The following PIBF1 variants were observed in gnomAD, a reference collection of about 807,000 sequenced individuals.
PIBF1 encodes the protein progesterone-induced-blocking factor 1.
Under a neutral mutation model 112.5 loss-of-function variants are expected in PIBF1, and 90 were observed. The ratio of observed to expected loss-of-function variants is 0.80; its 90% confidence interval spans 0.67 to 0.95. PIBF1 has a LOEUF of 0.95. Ranked by LOEUF, PIBF1 falls within the 40% of genes least tolerant of loss-of-function variation. PIBF1 has a pLI of 0.00. For missense variants in PIBF1, 915 were observed against 852.3 expected (o/e 1.07, Z -0.92); for synonymous variants, 301 against 288.6 (o/e 1.04, Z -0.44).
intron 9 of PIBF1, among the ~76,000 whole-genome samples, chr13:72,852,454 CA>C (rs2038208861): frequency 6.6e-6 from 1 of 152,190 alleles, no homozygotes; most frequent in African/African-American, 2.4e-5. Flanking sequence ...ACCCCTTGCT[CA>C]CACACCCCTT....
At chr13:72,799,715 A>G (rs1566284620) in intron 5 of PIBF1, among the ~76,000 whole-genome samples, 2 of 152,144 alleles carry the variant, frequency 1.3e-5, no homozygotes, top group African/African-American at 4.8e-5. Flanking sequence ...TACAGGGGTT[A>G]TTGGGGAAGA....
At position 72,833,743 on chromosome 13, in the gene PIBF1, G is replaced by A. The variant is rs138137278; in HGVS notation, c.1098-1500G>A. 2.4e-3 allele frequency among the ~76,000 whole-genome samples: 364 copies of A among 152,296 alleles called. 1 individual carries two copies. The highest frequency in any genetic ancestry group is 8.2e-3 in the African/African-American group (340 of 41,572). On this transcript the variant is annotated intron_variant, in intron 8 of 17. Coordinates refer to ENST00000326291, the MANE Select transcript of PIBF1 (RefSeq NM_006346.4). ...CACGGGGGTCAGGGACCCACTTGAG[G>A]AGGCAGTCTGACCCTTAGCAGAGTT...
chr13:72,990,840 T>TC (rs1258051284), intron 16 of PIBF1, among the ~76,000 whole-genome samples: 1 of 152,196 alleles, frequency 6.6e-6, no homozygotes, highest in African/African-American at 2.4e-5. Flanking sequence ...AGAGCGAGAC[T>TC]CCATCTCAAA....
intron 5 of PIBF1, among the ~76,000 whole-genome samples, chr13:72,817,524 C>T (rs1450319826): frequency 6.6e-6 from 1 of 152,132 alleles, no homozygotes; most frequent in East Asian, 1.9e-4. Context: ...TGCAAACCTT[C>T]TATATAATAG....
At chr13:72,861,057 T>C (rs2038674195) in intron 10 of PIBF1, among the ~76,000 whole-genome samples, 1 of 152,184 alleles carries the variant, frequency 6.6e-6, no homozygotes, top group Non-Finnish European at 1.5e-5. Context: ...GAATACTATA[T>C]TGGGATCTAA....
intron 5 of PIBF1, among the ~76,000 whole-genome samples, chr13:72,820,587 A>G (rs927127260): frequency 2.6e-5 from 4 of 152,188 alleles, no homozygotes; most frequent in Non-Finnish European, 5.9e-5. Flanking sequence ...GGGGACTAAA[A>G]TAATCAAAGT....
chr13:72,903,562 T>C (rs2040580606), intron 11 of PIBF1, among the ~76,000 whole-genome samples: 1 of 152,212 alleles, frequency 6.6e-6, no homozygotes, highest in African/African-American at 2.4e-5. Flanking sequence ...ACTTGAAATA[T>C]GGCTACTTCA....
intron 13 of PIBF1, 25 bp downstream of exon 13, chr13:72,917,191 A>G (rs760387553): frequency 1.4e-5 from 19 of 1,357,446 alleles, no homozygotes; most frequent in Admixed American, 4.2e-5. Flanking sequence ...TATTTATTTT[A>G]TTTATCTACT....
At chr13:73,002,398 C>T (rs1402334975) in intron 17 of PIBF1, among the ~76,000 whole-genome samples, 1 of 152,132 alleles carries the variant, frequency 6.6e-6, no homozygotes, top group African/African-American at 2.4e-5. Flanking sequence ...CACTAATCAC[C>T]TACTTTCACT....
chr13:72,879,661 A>C (rs560024714), intron 10 of PIBF1, among the ~76,000 whole-genome samples: 85 of 152,344 alleles, frequency 5.6e-4, no homozygotes, highest in African/African-American at 2.0e-3. Flanking sequence ...TGGCATCCCT[A>C]ATTTTCCACA....
intron 8 of PIBF1, among the ~76,000 whole-genome samples, chr13:72,834,007 T>A (rs774049803): frequency 1.3e-5 from 2 of 152,240 alleles, no homozygotes; most frequent in African/African-American, 2.4e-5. Flanking sequence ...TAGATAGATA[T>A]ATGCTATGAC....
At chr13:72,962,596 CAAAAA>C (rs56918554) in intron 14 of PIBF1, among the ~76,000 whole-genome samples, 1 of 132,966 alleles carries the variant, frequency 7.5e-6, no homozygotes, top group Non-Finnish European at 1.6e-5. Flanking sequence ...GTCCCTGTCT[CAAAAA>C]AAAAAAAAGG....
intron 10 of PIBF1, among the ~76,000 whole-genome samples, chr13:72,860,831 A>T (rs2038662058): frequency 6.6e-6 from 1 of 152,332 alleles, no homozygotes; most frequent in East Asian, 1.9e-4. Flanking sequence ...TCAGGCAAAT[A>T]AAAGACTCAT....
intron 2 of PIBF1, among the ~76,000 whole-genome samples, chr13:72,791,138 T>C (rs2138383215): frequency 6.6e-6 from 1 of 152,278 alleles, no homozygotes; most frequent in African/African-American, 2.4e-5. Flanking sequence ...CACTGCAACC[T>C]CCGCCTCCCG....
At chr13:72,855,422 G>A (rs1333804828) in intron 10 of PIBF1, among the ~76,000 whole-genome samples, 1 of 152,126 alleles carries the variant, frequency 6.6e-6, no homozygotes, top group Non-Finnish European at 1.5e-5. Flanking sequence ...GCTGAGGCAG[G>A]TGGATAACTT....
chr13:72,941,569 G>T (rs1023839634), intron 14 of PIBF1, among the ~76,000 whole-genome samples: 19 of 152,116 alleles, frequency 1.2e-4, no homozygotes, highest in African/African-American at 3.9e-4. Context: ...CTGTAAGCAC[G>T]CAGAGATTTA....
intron 5 of PIBF1, among the ~76,000 whole-genome samples, chr13:72,815,694 CTCAG>C (rs757982734): frequency 1.3e-5 from 2 of 152,222 alleles, no homozygotes; most frequent in South Asian, 2.1e-4. Context: ...CAGACAAGGT[CTCAG>C]TCTGTCATTC....
At position 72,835,235 on chromosome 13, in the gene PIBF1, C is replaced by G; in HGVS notation, c.1098-8C>G. ...AAATTTATGGTTGTTCCTTTTCACT[C>G]CTTGCAGAGACCATTATAAAACAGA... On this transcript the variant is annotated splice_region_variant and splice_polypyrimidine_tract_variant and intron_variant, in intron 8 of 17. Coordinates refer to ENST00000326291, the MANE Select transcript of PIBF1 (RefSeq NM_006346.4). The G allele has an allele frequency of 2.6e-6, 4 of 1,543,552 alleles. No homozygotes were observed. The highest frequency in any genetic ancestry group is 3.5e-6 in the Non-Finnish European group (4 of 1,152,706).
intron 13 of PIBF1, among the ~76,000 whole-genome samples, chr13:72,918,215 T>G (rs1035968741): frequency 6.6e-6 from 1 of 152,162 alleles, no homozygotes; most frequent in African/African-American, 2.4e-5. Flanking sequence ...CTCTCCAGCC[T>G]TATTTGCCTC....
Sources: gnomAD v4.1 joint callset for allele counts (sites outside exome capture counted in the v4.1 genomes callset) on GRCh38, gnomAD v4.1.1 for gene constraint, MANE v1.5 for transcripts, NCBI Gene and HGNC (gene_info 2026-07-23, HGNC 2026-07-21) for gene names.